CNTNAP3B: variants seen among roughly 807,000 people sequenced by gnomAD.
CNTNAP3B encodes contactin associated protein family member 3B.
Under a neutral mutation model 108.9 loss-of-function variants are expected in CNTNAP3B, and 25 were observed. The observed-to-expected ratio is 0.23, with a 90% CI of 0.17 to 0.32. The LOEUF (loss-of-function observed/expected upper bound fraction) is 0.32. Among genes scored for constraint, CNTNAP3B ranks in the 10% least tolerant of loss-of-function variants. The pLI is 1.00. For missense variants in CNTNAP3B, 252 were observed against 1,210.4 expected (o/e 0.21, Z 11.75); for synonymous variants, 103 against 473.4 (o/e 0.22, Z 10.16).
At chr9:42,032,415 G>T (rs555118141) in intron 3 of CNTNAP3B, among the ~76,000 whole-genome samples, 1 of 122,500 alleles carries the variant, frequency 8.2e-6, no homozygotes, top group East Asian at 2.5e-4. Context: ...CATGATAATG[G>T]CTGAGGTACA....
chr9:41,962,223 G>A (rs1825120480), intron 11 of CNTNAP3B, among the ~76,000 whole-genome samples: 1 of 152,192 alleles, frequency 6.6e-6, no homozygotes, highest in South Asian at 2.1e-4. Flanking sequence ...ATTGATACAT[G>A]TTATACAATT....
chr9:42,128,170 A>C (rs1198302358), intron 1 of CNTNAP3B, among the ~76,000 whole-genome samples: 1 of 138,938 alleles, frequency 7.2e-6, no homozygotes, highest in Non-Finnish European at 1.5e-5. Context: ...AAAATGTGCA[A>C]TGTTGTGTAA....
At chr9:41,956,531 T>C (rs1256029696) in intron 12 of CNTNAP3B, among the ~76,000 whole-genome samples, 2 of 152,154 alleles carry the variant, frequency 1.3e-5, no homozygotes, top group Non-Finnish European at 2.9e-5. Context: ...GTATATCATA[T>C]GAAATCCCCA....
At chr9:42,109,493 T>A (rs1828146515) in intron 1 of CNTNAP3B, among the ~76,000 whole-genome samples, 1 of 147,852 alleles carries the variant, frequency 6.8e-6, no homozygotes, top group African/African-American at 2.6e-5. Context: ...TGTCCGTATC[T>A]GCAGAGGAAA....
intron 15 of CNTNAP3B, among the ~76,000 whole-genome samples, chr9:41,925,776 C>T (rs1823801176): frequency 6.6e-6 from 1 of 152,284 alleles, no homozygotes; most frequent in South Asian, 2.1e-4. Flanking sequence ...TTTAAGCTGA[C>T]ACCCATGCCT....
At chr9:41,960,043 G>A (rs531246119) in intron 12 of CNTNAP3B, 119 of 152,602 alleles carry the variant, frequency 7.8e-4, no homozygotes, top group African/African-American at 2.8e-3. Flanking sequence ...CTGTCGCCAG[G>A]CTGGAGTGCA....
intron 2 of CNTNAP3B, among the ~76,000 whole-genome samples, chr9:42,078,763 A>G (rs1385347774): frequency 6.8e-6 from 1 of 146,422 alleles, no homozygotes; most frequent in South Asian, 2.2e-4. Flanking sequence ...GATTTACAGC[A>G]ATATTTATGT....
At chr9:42,042,379 GCTTA>G (rs1169877879) in intron 3 of CNTNAP3B, among the ~76,000 whole-genome samples, 5 of 136,886 alleles carry the variant, frequency 3.7e-5, no homozygotes, top group Non-Finnish European at 6.2e-5. Context: ...TAAGATTTAC[GCTTA>G]CTTATCTCTA....
rs527280291 is a variant in CNTNAP3B, at chr9:42,120,539, G to A, written c.85+8471C>T. ...ACATGCACACGTATGTTTATTGCGG[G>A]ACTATTCACAATAGCAAGACTTGGA... On this transcript the variant is annotated intron_variant, in intron 1 of 23. Transcript: ENST00000377561. 6.6e-5 allele frequency among the ~76,000 whole-genome samples: 9 copies of A among 136,956 alleles called. 2 individuals carry two copies. The highest frequency in any genetic ancestry group is 1.5e-4 in the Admixed American group (2 of 13,752). The allele number at this position is 136,956 out of a possible 152,430, so 89.8% of individuals were successfully genotyped here.
At chr9:41,944,463 T>G (rs1485583161) in intron 13 of CNTNAP3B, among the ~76,000 whole-genome samples, 3 of 152,258 alleles carry the variant, frequency 2.0e-5, no homozygotes, top group African/African-American at 7.2e-5. Context: ...TGAAGTGGAA[T>G]AGTGTTATTT....
intron 10 of CNTNAP3B, among the ~76,000 whole-genome samples, chr9:41,969,455 C>T (rs1259394728): frequency 6.9e-6 from 1 of 145,110 alleles, no homozygotes; most frequent in Admixed American, 7.0e-5. Context: ...AATTCCTCTG[C>T]CTGGAAAAAT....
chr9:41,967,698 T>G (rs537288141), intron 10 of CNTNAP3B, among the ~76,000 whole-genome samples: 225 of 152,248 alleles, frequency 1.5e-3, no homozygotes, highest in African/African-American at 5.2e-3. Context: ...GGATGTCATT[T>G]TGTGTCCCCA....
chr9:41,941,934 G>T (rs1290857092), intron 13 of CNTNAP3B, among the ~76,000 whole-genome samples: 1,517 of 151,352 alleles, frequency 0.01, 9 homozygotes, highest in African/African-American at 0.026. Context: ...GTCTCCAGCA[G>T]GGGGAGGGAA....
chr9:41,966,277 A>G (rs1330069436), intron 10 of CNTNAP3B, among the ~76,000 whole-genome samples: 1 of 152,302 alleles, frequency 6.6e-6, no homozygotes, highest in Non-Finnish European at 1.5e-5. Context: ...AACATTAAAA[A>G]CCACTGCTGT....
intron 14 of CNTNAP3B, among the ~76,000 whole-genome samples, chr9:41,935,955 G>A (rs1367230272): frequency 6.6e-6 from 1 of 152,262 alleles, no homozygotes; most frequent in Non-Finnish European, 1.5e-5. Flanking sequence ...TCAGTTCATG[G>A]GAGGGTCACT....
chr9:41,923,039 G>T, intron 16 of CNTNAP3B, 144 bp from the exon 17 acceptor site: 1 of 646,556 alleles, frequency 1.5e-6, no homozygotes, highest in Non-Finnish European at 2.6e-6. Context: ...AGTTGGGGTG[G>T]GGGCAGAATA....
intron 1 of CNTNAP3B, among the ~76,000 whole-genome samples, chr9:42,108,512 G>C (rs2118707956): frequency 7.5e-6 from 1 of 133,694 alleles, no homozygotes; most frequent in East Asian, 2.3e-4. Context: ...GAAGCATTTG[G>C]AAAATGCAGA....
chr9:42,056,023 C>T (rs1827060140), intron 3 of CNTNAP3B, among the ~76,000 whole-genome samples: 1 of 112,522 alleles, frequency 8.9e-6, no homozygotes. Context: ...ATGTTTGGTG[C>T]ACAGTAAGCA....
chr9:41,924,347 G>A (rs1321362362), intron 15 of CNTNAP3B, among the ~76,000 whole-genome samples: 1 of 152,310 alleles, frequency 6.6e-6, no homozygotes, highest in African/African-American at 2.4e-5. Flanking sequence ...CCAGTCAGGG[G>A]ATCGCGCAGC....
Sources: allele counts gnomAD v4.1 joint callset (sites outside exome capture counted in the v4.1 genomes callset), GRCh38; gene constraint gnomAD v4.1.1; transcripts MANE v1.5; gene names NCBI Gene and HGNC (gene_info 2026-07-23, HGNC 2026-07-21).